CRISPLD2: variants seen among roughly 807,000 people sequenced by gnomAD.
The protein encoded by CRISPLD2 is cysteine rich secretory protein LCCL domain containing 2.
In CRISPLD2, 47 loss-of-function variants were observed where a neutral mutation model predicts 71.1. The ratio of observed to expected loss-of-function variants is 0.66; its 90% CI spans 0.52 to 0.84. The LOEUF is 0.84. CRISPLD2 is among the 40% of genes least tolerant of loss of function. CRISPLD2 has a pLI of 0.00. For missense variants in CRISPLD2, 830 were observed against 651.1 expected (o/e 1.27, Z -2.99); for synonymous variants, 317 against 250.1 (o/e 1.27, Z -2.52).
intron 14 of CRISPLD2, among the ~76,000 whole-genome samples, chr16:84,891,733 C>G (rs942153809): frequency 6.6e-6 from 1 of 152,182 alleles, no homozygotes; most frequent in African/African-American, 2.4e-5. Context: ...GGACAGGGAC[C>G]TCATTGTGGG....
chr16:84,861,879 A>G (rs896909188), intron 6 of CRISPLD2, among the ~76,000 whole-genome samples: 5 of 152,226 alleles, frequency 3.3e-5, no homozygotes, highest in Non-Finnish European at 5.9e-5. Context: ...GCAGTAAGCC[A>G]TGATGGCGCC....
At chr16:84,876,030 C>T (rs1469527463) in intron 11 of CRISPLD2, among the ~76,000 whole-genome samples, 3 of 152,184 alleles carry the variant, frequency 2.0e-5, no homozygotes, top group Non-Finnish European at 4.4e-5. Flanking sequence ...CAAACGATGA[C>T]TCATGGGTTA....
intron 13 of CRISPLD2, among the ~76,000 whole-genome samples, chr16:84,886,333 G>T (rs938951224): frequency 6.6e-6 from 1 of 152,222 alleles, no homozygotes; most frequent in Admixed American, 6.5e-5. Flanking sequence ...TGAGACACAG[G>T]CTCTCTTTGG....
At position 84,886,602 on chromosome 16, in the gene CRISPLD2, C is replaced by T. The variant is rs369969879; in HGVS notation, c.1306-2628C>T. On this transcript the variant is annotated intron_variant, in intron 13 of 14. Transcript: ENST00000262424. Reference sequence around the variant, plus strand: ...TTTTGGGAGGCCAAGGTGGGAGGATCGTTTGAGGCCAGGAGTTTGAGACCA... The same window carrying T: ...TTTTGGGAGGCCAAGGTGGGAGGATTGTTTGAGGCCAGGAGTTTGAGACCA... 1.5e-4 allele frequency among the ~76,000 whole-genome samples: 23 copies of T among 152,252 alleles called. 1 individual carries two copies. The highest frequency in any genetic ancestry group is 5.9e-4 in the Admixed American group (9 of 15,296).
intron 3 of CRISPLD2, among the ~76,000 whole-genome samples, chr16:84,847,435 A>G (rs1167054839): frequency 6.6e-6 from 1 of 152,180 alleles, no homozygotes; most frequent in Non-Finnish European, 1.5e-5. Flanking sequence ...GCAGAATACA[A>G]GGTCAGGAGT....
chr16:84,879,600 G>A (rs2071550654), intron 12 of CRISPLD2, among the ~76,000 whole-genome samples: 1 of 152,074 alleles, frequency 6.6e-6, no homozygotes, highest in Non-Finnish European at 1.5e-5. Context: ...GACCTCAGGT[G>A]ATCCACCCAC....
chr16:84,835,643 C>T (rs1916600802), intron 1 of CRISPLD2, among the ~76,000 whole-genome samples: 1 of 152,204 alleles, frequency 6.6e-6, no homozygotes, highest in African/African-American at 2.4e-5. Context: ...CCCTCCCATT[C>T]CTCTCCCCTT....
Sources: allele counts gnomAD v4.1 joint callset (sites outside exome capture counted in the v4.1 genomes callset), GRCh38; gene constraint gnomAD v4.1.1; transcripts MANE v1.5; gene names NCBI Gene and HGNC (gene_info 2026-07-23, HGNC 2026-07-21).